Variants in DCC observed in about 807,000 individuals in gnomAD.
The protein encoded by DCC is DCC netrin 1 receptor.
DCC carries 58 observed loss-of-function variants against 172.5 expected under a neutral mutation model. The ratio of observed to expected loss-of-function variants is 0.34; its 90% CI spans 0.27 to 0.42. The LOEUF (loss-of-function observed/expected upper bound fraction) is 0.42, where lower values mean the gene tolerates loss of function less well. Among genes scored for constraint, DCC ranks in the 10% least tolerant of loss-of-function variants. The pLI is 1.00. For synonymous variants in DCC, 709 were observed against 644.5 expected, an observed-to-expected ratio of 1.10 and a Z score of -1.52; for missense variants, 1,740 against 1,791.0, an observed-to-expected ratio of 0.97 and a Z score of 0.51.
chr18:52,828,946 AGAT>A (rs1379054319), intron 2 of DCC, among the ~76,000 whole-genome samples: 4 of 152,042 alleles, frequency 2.6e-5, no homozygotes, highest in African/African-American at 4.8e-5. Context: ...AAATTGTTTA[AGAT>A]GATGACAGTT....
intron 26 of DCC, among the ~76,000 whole-genome samples, chr18:53,497,543 G>A (rs115453210): frequency 0.011 from 1,666 of 152,252 alleles, 33 homozygotes; most frequent in African/African-American, 0.037. Context: ...ATTGACCATC[G>A]GTCATAGTCT....
At chr18:52,681,869 T>C (rs1355653866) in intron 1 of DCC, among the ~76,000 whole-genome samples, 1 of 148,740 alleles carries the variant, frequency 6.7e-6, no homozygotes, top group Non-Finnish European at 1.5e-5. Flanking sequence ...GATTGACTTT[T>C]ACAGTTTCTA....
At chr18:53,014,505 G>T (rs1327384988) in intron 5 of DCC, among the ~76,000 whole-genome samples, 1 of 128,682 alleles carries the variant, frequency 7.8e-6, no homozygotes, top group Non-Finnish European at 1.5e-5. Context: ...TGTTCTCATT[G>T]TTCAATTCCC....
chr18:52,743,324 A>G (rs1048287749), intron 1 of DCC, among the ~76,000 whole-genome samples: 7 of 152,210 alleles, frequency 4.6e-5, no homozygotes, highest in African/African-American at 1.7e-4. Context: ...CTTATATTTC[A>G]TCAAACTGAG....
At chr18:52,615,888 T>A (rs2034371556) in intron 1 of DCC, among the ~76,000 whole-genome samples, 1 of 152,178 alleles carries the variant, frequency 6.6e-6, no homozygotes, top group African/African-American at 2.4e-5. Context: ...TGCTTATCAA[T>A]GTGTATACAT....
intron 3 of DCC, among the ~76,000 whole-genome samples, chr18:52,922,127 T>C (rs1044493974): frequency 6.6e-6 from 1 of 152,172 alleles, no homozygotes; most frequent in African/African-American, 2.4e-5. Context: ...TTCTACAGTA[T>C]TGATATAATA....
At chr18:53,451,733 CCA>C (rs1199147643) in intron 23 of DCC, among the ~76,000 whole-genome samples, 19 of 144,000 alleles carry the variant, frequency 1.3e-4, no homozygotes, top group East Asian at 4.1e-4. Context: ...CTCTCTCTCT[CCA>C]TCTCTCTCTC....
At chr18:53,527,931 T>C (rs2046477840) in intron 28 of DCC, among the ~76,000 whole-genome samples, 1 of 152,152 alleles carries the variant, frequency 6.6e-6, no homozygotes, top group Non-Finnish European at 1.5e-5. Flanking sequence ...CATTTGGATC[T>C]TTTTTAAGCA....
intron 5 of DCC, among the ~76,000 whole-genome samples, chr18:52,980,776 T>G (rs1186969049): frequency 6.6e-6 from 1 of 152,096 alleles, no homozygotes; most frequent in East Asian, 1.9e-4. Flanking sequence ...AACTTGTTGG[T>G]TGGTGAAGAA....
At chr18:53,354,509 G>A (rs1226011020) in intron 15 of DCC, among the ~76,000 whole-genome samples, 35 of 152,144 alleles carry the variant, frequency 2.3e-4, no homozygotes, top group African/African-American at 8.4e-4. Context: ...TTCTCTGATG[G>A]CCAGTGATGA....
chr18:53,162,957 C>T (rs1772081458), intron 8 of DCC, among the ~76,000 whole-genome samples: 2 of 152,184 alleles, frequency 1.3e-5, no homozygotes, highest in Admixed American at 6.5e-5. Flanking sequence ...AAATATTTTT[C>T]GACTTGATGC....
intron 3 of DCC, among the ~76,000 whole-genome samples, chr18:52,909,660 T>C (rs1003265219): frequency 6.6e-6 from 1 of 152,114 alleles, no homozygotes; most frequent in Non-Finnish European, 1.5e-5. Context: ...CAAACAGTGG[T>C]TTTAAAGTGC....
At chr18:52,536,788 C>A (rs915273066) in intron 1 of DCC, among the ~76,000 whole-genome samples, 1 of 152,214 alleles carries the variant, frequency 6.6e-6, no homozygotes, top group African/African-American at 2.4e-5. Context: ...TTTGAAGGAT[C>A]CTTTCAATAT....
intron 2 of DCC, among the ~76,000 whole-genome samples, chr18:52,852,163 T>G (rs1175459788): frequency 6.6e-6 from 1 of 152,152 alleles, no homozygotes; most frequent in Non-Finnish European, 1.5e-5. Flanking sequence ...CTTACTAGGC[T>G]TAAAGGCATA....
intron 27 of DCC, among the ~76,000 whole-genome samples, chr18:53,502,814 C>T (rs2046120268): frequency 6.6e-6 from 1 of 152,034 alleles, no homozygotes; most frequent in African/African-American, 2.4e-5. Flanking sequence ...GCTCTTTCCC[C>T]ACTCAAATTC....
intron 9 of DCC, among the ~76,000 whole-genome samples, chr18:53,194,830 A>G (rs2055420188): frequency 6.6e-6 from 1 of 152,182 alleles, no homozygotes; most frequent in African/African-American, 2.4e-5. Context: ...TTAGGCATCT[A>G]TGGAATGCTA....
intron 7 of DCC, among the ~76,000 whole-genome samples, chr18:53,145,168 G>T (rs2043891076): frequency 1.5e-5 from 2 of 130,822 alleles, no homozygotes; most frequent in African/African-American, 5.7e-5. Context: ...AGGCTGGAGT[G>T]CAGTGGCGCG....
chr18:53,048,492 TG>T (rs2144029479), intron 5 of DCC, among the ~76,000 whole-genome samples: 1 of 52,508 alleles, frequency 1.9e-5, no homozygotes, highest in Admixed American at 1.7e-4. Flanking sequence ...CCATGGTTTG[TG>T]TGTGTGTGTG....
intron 2 of DCC, among the ~76,000 whole-genome samples, chr18:52,815,312 T>A (rs1052562498): frequency 6.6e-6 from 1 of 152,152 alleles, no homozygotes; most frequent in East Asian, 1.9e-4. Context: ...AAATGTTACA[T>A]GAGGTCATAA....
Sources: allele counts gnomAD v4.1 joint callset (sites outside exome capture counted in the v4.1 genomes callset), GRCh38; gene constraint gnomAD v4.1.1; transcripts MANE v1.5; gene names NCBI Gene and HGNC (gene_info 2026-07-23, HGNC 2026-07-21).